ANKRD62: variants seen among roughly 807,000 people sequenced by gnomAD.
ANKRD62 encodes ankyrin repeat domain 62, also known as ankyrin repeat domain-containing protein 62.
ANKRD62 carries 61 observed loss-of-function variants against 98.8 expected under a neutral mutation model. The ratio of observed to expected loss-of-function variants is 0.62; its 90% confidence interval spans 0.50 to 0.76. The LOEUF (loss-of-function observed/expected upper bound fraction) is 0.76, where lower values mean the gene tolerates loss of function less well. Among genes scored for constraint, ANKRD62 ranks in the 30% least tolerant of loss-of-function variants. The pLI is 0.00. For synonymous variants in ANKRD62, 341 were observed against 367.9 expected (o/e 0.93, Z 0.84); for missense variants, 933 against 1,082.9 (o/e 0.86, Z 1.94).
At position 12,124,293 on chromosome 18, in the gene ANKRD62, G is replaced by A. The variant is rs1463995740; in HGVS notation, c.1611G>A (p.Leu537=). Residue 537 remains leucine, a synonymous_variant, in exon 12 of 14, where the codon TTG becomes TTA. Transcript: ENST00000587848. ...KLTLKSLEVE[L]KTVRSNSNQN... is the part of the protein sequence containing the mutation. ...CTCTCAAATCATTGGAAGTGGAATT[G>A]AAGACTGTAAGAAGTAACTCAAATC... The A allele has an allele frequency of 1.2e-5, 15 of 1,300,948 alleles. No individual in the cohort carries two copies. The Admixed American group carries it at 1.9e-4, about 16-fold the overall frequency. The allele number at this position is 1,300,948 out of a possible 1,614,324, so 80.6% of individuals were successfully genotyped here.
Position 12,093,907 on chromosome 18 carries a change from G to A in ANKRD62, c.-111G>A, listed in dbSNP as rs1023231701. 143 of 1,036,550 alleles carry A rather than the reference G, an allele frequency of 1.4e-4. No individual in the cohort carries two copies. Among genetic ancestry groups the A allele is most frequent in the Middle Eastern group, 6.0e-4 (2 of 3,308 alleles). The allele number at this position is 1,036,550 out of a possible 1,614,324, so 64.2% of individuals were successfully genotyped here. A position where few individuals can be genotyped will look rare whatever the true frequency, so the allele number is the denominator to read the frequency against. ...CTGGAGTGTCCCTGACGGAGGTTGC[G>A]GCTGGACCTGGTTACGTGCTGGTGC... is the stretch of plus-strand genomic sequence containing the variant. On this transcript the variant is annotated 5_prime_UTR_variant, in exon 1 of 14. Transcript: ENST00000587848.
intron 8 of ANKRD62, among the ~76,000 whole-genome samples, chr18:12,110,408 G>T (rs1313585903): frequency 6.6e-6 from 1 of 152,008 alleles, no homozygotes; most frequent in Admixed American, 6.6e-5. Context: ...TAATTTTATG[G>T]CTTTATTCAT....
At chr18:12,176,516 T>C in the ANKRD62 span, among the ~76,000 whole-genome samples, 1 of 126,682 alleles carries the variant, frequency 7.9e-6, no homozygotes, top group Non-Finnish European at 1.7e-5. Flanking sequence ...TTTTTGAAAG[T>C]TCAGTAAAGT....
the ANKRD62 span, among the ~76,000 whole-genome samples, chr18:12,139,642 T>C: frequency 3.3e-5 from 5 of 150,922 alleles, no homozygotes; most frequent in African/African-American, 1.2e-4. Flanking sequence ...TAAGACTCCA[T>C]CTCAAAAAAA....
At chr18:12,158,369 A>G in the ANKRD62 span, among the ~76,000 whole-genome samples, 1 of 152,186 alleles carries the variant, frequency 6.6e-6, no homozygotes, top group African/African-American at 2.4e-5. Flanking sequence ...TCTGTTAACT[A>G]TCAGCTAAGG....
the ANKRD62 span, among the ~76,000 whole-genome samples, chr18:12,174,128 G>A: frequency 2.6e-4 from 39 of 152,254 alleles, no homozygotes; most frequent in Admixed American, 1.2e-3. Flanking sequence ...TCAGGGACAC[G>A]AATGAGGCAT....
the ANKRD62 span, among the ~76,000 whole-genome samples, chr18:12,136,385 T>A: frequency 5.3e-5 from 8 of 152,206 alleles, no homozygotes; most frequent in African/African-American, 1.7e-4. Flanking sequence ...AGAGCTCTGT[T>A]CTTTTCCATT....
At chr18:12,162,388 T>G in the ANKRD62 span, among the ~76,000 whole-genome samples, 1 of 152,112 alleles carries the variant, frequency 6.6e-6, no homozygotes, top group East Asian at 1.9e-4. Flanking sequence ...TTTCCTATAG[T>G]GTTTTTTGAG....
At chr18:12,101,894 T>C (rs1239478107) in intron 6 of ANKRD62, 3 of 723,636 alleles carry the variant, frequency 4.1e-6, no homozygotes, top group Non-Finnish European at 7.6e-6. Context: ...ACCAATGGAC[T>C]TACCCTGTTA....
rs553084286 is a variant in ANKRD62 at position 12,103,498 on chromosome 18, T to C, written c.891+270T>C. ...ACCTAATGTAATAAAGAAAGTAATA[T>C]CAAATATTGAATTATAATTTTAAGC... On this transcript the variant is annotated intron_variant, in intron 7 of 13. Transcript: ENST00000587848. Among the ~76,000 whole-genome samples, 10 of 152,224 alleles carry C rather than the reference T, an allele frequency of 6.6e-5. No homozygotes were observed. In the East Asian group the frequency reaches 1.5e-3, roughly 23 times the overall value.
the ANKRD62 span, among the ~76,000 whole-genome samples, chr18:12,163,889 T>C: frequency 6.6e-6 from 1 of 152,046 alleles, no homozygotes; most frequent in Non-Finnish European, 1.5e-5. Flanking sequence ...GAATGATTTT[T>C]TTAATATATT....
rs1332162783 is a variant in ANKRD62, at chr18:12,125,783, A to G, written c.1962A>G (p.Glu654=). The change falls in exon 13 of 14, where the codon GAA becomes GAG. Residue 654 remains glutamate, a synonymous_variant. Transcript: ENST00000587848. The stretch of plus-strand genomic sequence containing the variant: ...TGTCAAGACTGGAAACAGAAATGGA[A>G]TCATACCGTTGTAGACTGGCTGCTG... ...QSMSRLETEM[E]SYRCRLAAAL... 8 of 1,549,194 alleles carry G rather than the reference A, an allele frequency of 5.2e-6. No homozygotes were observed. Among genetic ancestry groups the G allele is most frequent in the African/African-American group, 1.4e-5 (1 of 73,182 alleles).
At chr18:12,140,750 C>T in the ANKRD62 span, among the ~76,000 whole-genome samples, 11 of 152,278 alleles carry the variant, frequency 7.2e-5, no homozygotes, top group Admixed American at 3.3e-4. Context: ...GGTGTCAGTC[C>T]GCCCCTAGTT....
At chr18:12,168,914 A>T in the ANKRD62 span, among the ~76,000 whole-genome samples, 1 of 152,138 alleles carries the variant, frequency 6.6e-6, no homozygotes, top group East Asian at 1.9e-4. Context: ...ATGGAAGTAC[A>T]CTCATGATTT....
chr18:12,117,175 G>A (rs1412987500), intron 10 of ANKRD62, among the ~76,000 whole-genome samples: 2 of 152,088 alleles, frequency 1.3e-5, no homozygotes, highest in Non-Finnish European at 2.9e-5. Flanking sequence ...GATTTGATCC[G>A]ATTTTCTACA....
At chr18:12,154,942 G>A in the ANKRD62 span, among the ~76,000 whole-genome samples, 2 of 152,166 alleles carry the variant, frequency 1.3e-5, no homozygotes, top group African/African-American at 4.8e-5. Context: ...CGCAGAGAAG[G>A]GAACAGCAGA....
In ANKRD62 at chr18:12,094,034, C is replaced by T. The variant is rs569912186; in HGVS notation, c.17C>T (p.Ser6Leu). 1.3e-6 allele frequency: 2 copies of T among 1,534,984 alleles called. No homozygotes were observed. Among genetic ancestry groups the T allele is most frequent in the South Asian group, 1.2e-5 (1 of 84,010 alleles). MEVRG[S>L]FLAACRRRMA... ...GGCTTCAGGATGGAGGTCAGGGGGT[C>T]GTTCCTGGCGGCCTGCAGGAGACGC... is the stretch of plus-strand genomic sequence containing the variant. The change falls in exon 1 of 14, where the codon TCG becomes TTG. Residue 6 changes from serine (S) to leucine (L), a missense_variant. Around this residue, in one of 3 missense-constraint regions of ANKRD62, gnomAD observed 549 missense variants for 587.9 expected, o/e 0.93. Coordinates refer to ENST00000587848, the MANE Select transcript of ANKRD62 (RefSeq NM_001277333.2).
the ANKRD62 span, among the ~76,000 whole-genome samples, chr18:12,150,521 TGAAA>T: frequency 6.6e-6 from 1 of 151,850 alleles, no homozygotes; most frequent in East Asian, 1.9e-4. Context: ...AAGGTCCAAA[TGAAA>T]GAAAGAATGT....
At chr18:12,154,692 G>A in the ANKRD62 span, among the ~76,000 whole-genome samples, 179 of 152,168 alleles carry the variant, frequency 1.2e-3, no homozygotes, top group African/African-American at 4.1e-3. Flanking sequence ...ATCACTATTC[G>A]CAATAGCAAA....
Sources: gnomAD v4.1 joint callset for allele counts (sites outside exome capture counted in the v4.1 genomes callset) on GRCh38, gnomAD v4.1.1 for gene constraint, gnomAD v4.1.1 regional missense constraint, MANE v1.5 for transcripts, NCBI Gene and HGNC (gene_info 2026-07-23, HGNC 2026-07-21) for gene names.